Variants in PCDHGA2 observed in about 807,000 individuals in gnomAD.
PCDHGA2 encodes the protein protocadherin gamma subfamily A, 2.
In PCDHGA2, 40 loss-of-function variants were observed where a neutral mutation model predicts 59.2. That is an observed-to-expected ratio of 0.68 (90% CI 0.52 to 0.88). PCDHGA2 has a LOEUF of 0.88. Ranked by LOEUF, PCDHGA2 falls within the 40% of genes least tolerant of loss-of-function variation. The probability of loss-of-function intolerance (pLI) is 0.00; values close to 1 mark genes in which losing one functional copy is unlikely to be tolerated. For missense variants in PCDHGA2, 1,226 were observed against 1,204.0 expected (o/e 1.02, Z -0.27); for synonymous variants, 560 against 526.0 (o/e 1.06, Z -0.89).
rs549713754 is a variant in PCDHGA2 at position 141,365,181 on chromosome 5, A to C, written c.2424+23786A>C. On this transcript the variant is annotated intron_variant, in intron 1 of 3. Coordinates refer to ENST00000394576, the MANE Select transcript of PCDHGA2 (RefSeq NM_018915.4). ...AAATTGACCTACTCTTTTCGCAATG[A>C]AGAAGAAAAAATTTCGGAGACTTTC... 46 of 1,613,864 alleles carry C rather than the reference A, an allele frequency of 2.9e-5. No homozygotes were observed. In the South Asian group the frequency reaches 3.8e-4, roughly 13 times the overall value.
chr5:141,360,783 T>A (rs1453026686), intron 1 of PCDHGA2: 1 of 1,613,928 alleles, frequency 6.2e-7, no homozygotes, highest in East Asian at 2.2e-5. Flanking sequence ...CAGCTGTGGA[T>A]GGCGGAGACC....
intron 1 of PCDHGA2, among the ~76,000 whole-genome samples, chr5:141,455,749 C>A (rs2098830563): frequency 6.6e-6 from 1 of 152,086 alleles, no homozygotes; most frequent in Non-Finnish European, 1.5e-5. Context: ...AGGTTGCTGG[C>A]CTGGCTCCTA....
rs755706235 is a variant in PCDHGA2 at position 141,476,450 on chromosome 5, G to A, written c.2425-18357G>A. ...TTGCACTGTAACTCTGGAGTTGGTA[G>A]TGGAGAACCCGCTGGAGCTGTTCAG... On this transcript the variant is annotated intron_variant, in intron 1 of 3. Transcript: ENST00000394576. The surrounding 1 kb of genome is among the most constrained non-coding windows in gnomAD (Gnocchi z 7.6). The A allele has an allele frequency of 6.2e-7, 1 of 1,614,180 alleles. No individual in the cohort carries two copies. The highest frequency in any genetic ancestry group is 8.5e-7 in the Non-Finnish European group (1 of 1,180,040).
chr5:141,403,068 C>T, intron 1 of PCDHGA2: 1 of 1,614,064 alleles, frequency 6.2e-7, no homozygotes, highest in South Asian at 1.1e-5. Flanking sequence ...CCTGAAGAGA[C>T]AGAAAAGGGC....
In PCDHGA2 at chr5:141,489,504, A is replaced by G. The variant is rs148241772; in HGVS notation, c.2425-5303A>G. 193 of 1,614,016 alleles carry G rather than the reference A, an allele frequency of 1.2e-4. No individual in the cohort carries two copies. Among genetic ancestry groups the G allele is most frequent in the Non-Finnish European group, 1.6e-4 (184 of 1,180,046 alleles). On this transcript the variant is annotated intron_variant, in intron 1 of 3. Transcript: ENST00000394576. The surrounding 1 kb of genome is among the most constrained non-coding windows in gnomAD (Gnocchi z 4.5). ...TGAGTGGTGCCCTGGCAGTGAATCA[A>G]AAGATTGACCGAGAAAGCCTATGTG...
At chr5:141,484,672 A>G (rs1253641119) in intron 1 of PCDHGA2, among the ~76,000 whole-genome samples, 1 of 151,990 alleles carries the variant, frequency 6.6e-6, no homozygotes, top group African/African-American at 2.4e-5. Flanking sequence ...AGTGGGCCGC[A>G]GGTTGCTAGG....
intron 1 of PCDHGA2, among the ~76,000 whole-genome samples, chr5:141,457,278 C>T (rs1446074161): frequency 6.6e-6 from 1 of 152,196 alleles, no homozygotes; most frequent in Non-Finnish European, 1.5e-5. Flanking sequence ...TGTGGGCCTA[C>T]GAAGTTCCTT....
rs1258752203 is a variant in PCDHGA2, at chr5:141,431,160, G to C, written c.2425-63647G>C. On this transcript the variant is annotated intron_variant, in intron 1 of 3. Coordinates refer to ENST00000394576, the MANE Select transcript of PCDHGA2 (RefSeq NM_018915.4). The surrounding 1 kb of genome is among the most constrained non-coding windows in gnomAD (Gnocchi z 4.8). ...ATTAACGACAATGCGCCTTACTTTC[G>C]TGAAAGTGAATTAGAAATAAAAATT... is the stretch of plus-strand genomic sequence containing the variant. The C allele has an allele frequency of 6.2e-7, 1 of 1,614,198 alleles. No homozygotes were observed. Among genetic ancestry groups the C allele is most frequent in the South Asian group, 1.1e-5 (1 of 91,084 alleles).
intron 1 of PCDHGA2, chr5:141,426,927 A>G (rs1480193041): frequency 2.2e-6 from 1 of 456,634 alleles, no homozygotes; most frequent in African/African-American, 2.0e-5. Flanking sequence ...AGCAATGGAC[A>G]TGGGTGACCC....
intron 1 of PCDHGA2, chr5:141,384,851 A>G (rs1460277994): frequency 1.9e-6 from 3 of 1,613,516 alleles, no homozygotes; most frequent in East Asian, 2.2e-5. Flanking sequence ...GACCACGGTC[A>G]GCCTCCTCTG....
intron 1 of PCDHGA2, among the ~76,000 whole-genome samples, chr5:141,445,937 A>C (rs2098482193): frequency 6.6e-6 from 1 of 152,202 alleles, no homozygotes; most frequent in African/African-American, 2.4e-5. Flanking sequence ...TGAATTATTA[A>C]GCTTACTCTG....
At chr5:141,408,228 G>C (rs1233027944) in intron 1 of PCDHGA2, 2 of 1,564,122 alleles carry the variant, frequency 1.3e-6, no homozygotes, top group South Asian at 2.3e-5. Flanking sequence ...GCGCAGAGGC[G>C]CCGGGCCGGC....
chr5:141,491,047 G>A lies in PCDHGA2; in HGVS notation c.2425-3760G>A, dbSNP rs751761240. On this transcript the variant is annotated intron_variant, in intron 1 of 3. Coordinates refer to ENST00000394576, the MANE Select transcript of PCDHGA2 (RefSeq NM_018915.4). The surrounding 1 kb of genome is among the most constrained non-coding windows in gnomAD (Gnocchi z 6.9). Reference sequence around the variant, plus strand: ...CGTGGATGCTGATGCAGGCCACAATGCGTGGCTCTCCTACTCACTGTTGCC... The same window carrying A: ...CGTGGATGCTGATGCAGGCCACAATACGTGGCTCTCCTACTCACTGTTGCC... 4 of 1,614,054 alleles carry A rather than the reference G, an allele frequency of 2.5e-6. No homozygotes were observed. Among genetic ancestry groups the A allele is most frequent in the Non-Finnish European group, 3.4e-6 (4 of 1,180,034 alleles).
chr5:141,422,800 C>A (rs1470748782), intron 1 of PCDHGA2: 1 of 1,614,094 alleles, frequency 6.2e-7, no homozygotes, highest in Non-Finnish European at 8.5e-7. Flanking sequence ...CGACTATGAG[C>A]AGTTTCGAGA....
At chr5:141,434,693 T>C (rs2097710124) in intron 1 of PCDHGA2, among the ~76,000 whole-genome samples, 1 of 152,034 alleles carries the variant, frequency 6.6e-6, no homozygotes, top group Non-Finnish European at 1.5e-5. Context: ...TTGCTGTTAA[T>C]AAATATGTGG....
intron 1 of PCDHGA2, chr5:141,374,478 G>C (rs781173070): frequency 6.2e-7 from 1 of 1,611,820 alleles, no homozygotes; most frequent in African/African-American, 1.3e-5. Flanking sequence ...AATACACCCC[G>C]ATTCTTAAAG....
chr5:141,445,973 G>A (rs563637331), intron 1 of PCDHGA2, among the ~76,000 whole-genome samples: 28 of 152,326 alleles, frequency 1.8e-4, no homozygotes, highest in African/African-American at 6.0e-4. Flanking sequence ...ATTGATTTAT[G>A]AGGGTTATAA....
chr5:141,419,651 TC>T, intron 1 of PCDHGA2: 28 of 1,612,632 alleles, frequency 1.7e-5, no homozygotes, highest in Non-Finnish European at 2.3e-5. Flanking sequence ...GGACGCGGAC[TC>T]GGGGCACAAT....
rs750164473 is a variant in PCDHGA2 at position 141,432,286 on chromosome 5, C to G, written c.2425-62521C>G. Reference sequence around the variant, plus strand: ...TATCGTCCTACGTGTCCATCAACTCCGACACTGGGGTACTGTATGCGCTGA... The same window carrying G: ...TATCGTCCTACGTGTCCATCAACTCGGACACTGGGGTACTGTATGCGCTGA... On this transcript the variant is annotated intron_variant, in intron 1 of 3. Transcript: ENST00000394576. This position sits in a 1 kb window ranked among gnomAD's most constrained non-coding sequence, Gnocchi z 6.0. The G allele has an allele frequency of 6.2e-7, 1 of 1,614,252 alleles. No homozygotes were observed. The highest frequency in any genetic ancestry group is 1.3e-5 in the African/African-American group (1 of 75,070).
Sources: allele counts gnomAD v4.1 joint callset (sites outside exome capture counted in the v4.1 genomes callset), GRCh38; gene constraint gnomAD v4.1.1; non-coding constraint Gnocchi (gnomAD v3.1); transcripts MANE v1.5; gene names NCBI Gene and HGNC (gene_info 2026-07-23, HGNC 2026-07-21).